OR6B1: variants seen among roughly 807,000 people sequenced by gnomAD.
OR6B1 encodes olfactory receptor family 6 subfamily B member 1.
A neutral mutation model predicts 15.4 loss-of-function variants in OR6B1; 15 were observed. The observed-to-expected ratio is 0.97, with a 90% CI of 0.65 to 1.50. The LOEUF (loss-of-function observed/expected upper bound fraction) is 1.50, where lower values mean the gene tolerates loss of function less well. Among genes scored for constraint, OR6B1 ranks in the 40% most tolerant of loss-of-function variants. The pLI, the probability that OR6B1 is intolerant of heterozygous loss-of-function variation, is 0.00. For missense variants in OR6B1, 384 were observed against 385.0 expected, an observed-to-expected ratio of 1.00 and a Z score of 0.02; for synonymous variants, 139 against 144.9, an observed-to-expected ratio of 0.96 and a Z score of 0.29.
Position 144,004,702 on chromosome 7 carries a change from T to C in OR6B1, c.706T>C (p.Phe236Leu). 1.2e-6 allele frequency: 2 copies of C among 1,614,202 alleles called. No individual in the cohort carries two copies. Among genetic ancestry groups the C allele is most frequent in the South Asian group, 1.1e-5 (1 of 91,080 alleles). ...CATGCCCACAGGAAAGCAGAAAGCGTTCTCCACTTGTGCCTCCCATCTTGT... is the reference window on the plus strand; with the variant it reads ...CATGCCCACAGGAAAGCAGAAAGCGCTCTCCACTTGTGCCTCCCATCTTGT... The part of the protein sequence containing the change: ...LCMPTGKQKA[F>L]STCASHLVVV... The change falls in exon 2 of 2, where the codon TTC (phenylalanine) becomes CTC (leucine). Residue 236 changes from phenylalanine (F) to leucine (L), a missense_variant. Phe to Leu is a conservative substitution (Grantham distance 22, BLOSUM62 0). Coordinates refer to ENST00000641698, the MANE Select transcript of OR6B1 (RefSeq NM_001005281.3).
chr7:144,002,563 A>G (rs536767268), intron 1 of OR6B1, among the ~76,000 whole-genome samples: 3 of 152,296 alleles, frequency 2.0e-5, no homozygotes, highest in African/African-American at 7.2e-5. Context: ...CTTCTCTGGA[A>G]CCACAGTATT....
intron 1 of OR6B1, among the ~76,000 whole-genome samples, chr7:144,001,425 A>G (rs933567177): frequency 6.6e-6 from 1 of 152,194 alleles, no homozygotes; most frequent in African/African-American, 2.4e-5. Flanking sequence ...TGTTTCTTTG[A>G]CAAATGTTAT....
chr7:144,002,568 A>T (rs745813531), intron 1 of OR6B1, among the ~76,000 whole-genome samples: 5 of 152,228 alleles, frequency 3.3e-5, no homozygotes, highest in Non-Finnish European at 7.3e-5. Context: ...CTGGAACCAC[A>T]GTATTTAAGT....
chr7:144,004,315 C>G lies in OR6B1; in HGVS notation c.319C>G (p.Leu107Val). ...CMIQLYFFIA[L>V]MCTECVLLAA... ...GATACAACTGTACTTCTTCATTGCT[C>G]TCATGTGCACAGAATGTGTGCTTCT... The change falls in exon 2 of 2, where the codon CTC (leucine) becomes GTC (valine). Residue 107 changes from leucine to valine, a missense_variant. Physicochemically the swap from Leu to Val is conservative, Grantham distance 32 (BLOSUM62 1). Coordinates refer to ENST00000641698, the MANE Select transcript of OR6B1 (RefSeq NM_001005281.3). 1.2e-6 allele frequency: 2 copies of G among 1,614,202 alleles called. No individual in the cohort carries two copies. Among genetic ancestry groups the G allele is most frequent in the Non-Finnish European group, 1.7e-6 (2 of 1,180,028 alleles).
Position 144,005,845 on chromosome 7 carries a change from C to A in OR6B1, c.*913C>A, listed in dbSNP as rs952021068. On this transcript the variant is annotated 3_prime_UTR_variant, in exon 2 of 2. Coordinates refer to ENST00000641698, the MANE Select transcript of OR6B1 (RefSeq NM_001005281.3). Reference sequence around the variant, plus strand: ...CCATAGTGATTCTCAACTTTCCTTACCTATATATCTAACACCCTCTACACA... The same window carrying A: ...CCATAGTGATTCTCAACTTTCCTTAACTATATATCTAACACCCTCTACACA... The A allele has an allele frequency of 1.1e-4, 16 of 152,106 alleles. 1 individual carries two copies. The highest frequency in any genetic ancestry group is 1.0e-3 in the Admixed American group (16 of 15,272). 9.4% of individuals were successfully genotyped at this position (152,106 alleles called of 1,614,324 possible).
chr7:144,005,211 A>G lies in OR6B1; in HGVS notation c.*279A>G. The G allele has an allele frequency of 3.0e-6, 1 of 330,762 alleles. No individual in the cohort carries two copies. Among genetic ancestry groups the G allele is most frequent in the Non-Finnish European group, 5.5e-6 (1 of 180,804 alleles). 20.5% of individuals were successfully genotyped at this position (330,762 alleles called of 1,614,324 possible). ...AAATTTATAACTGAGTTAAGTAGGA[A>G]GAGAGATGGTGATGGGTGAGTTAGC... On this transcript the variant is annotated 3_prime_UTR_variant, in exon 2 of 2. Coordinates refer to ENST00000641698, the MANE Select transcript of OR6B1 (RefSeq NM_001005281.3).
rs1162857161 is a variant in OR6B1 at position 144,005,378 on chromosome 7, C to T, written c.*446C>T. 6.4e-6 allele frequency: 1 copy of T among 157,218 alleles called. No individual in the cohort carries two copies. The highest frequency in any genetic ancestry group is 1.4e-5 in the Non-Finnish European group (1 of 71,556). 9.7% of individuals were successfully genotyped at this position (157,218 alleles called of 1,614,324 possible). A position where few individuals can be genotyped will look rare whatever the true frequency, so the allele number is the denominator to read the frequency against. Reference sequence around the variant, plus strand: ...ATGTTCTGGGAGTGAATTTTGGTGGCAGAGACTGCTTCCTGAGTTTTTGCA... The same window carrying T: ...ATGTTCTGGGAGTGAATTTTGGTGGTAGAGACTGCTTCCTGAGTTTTTGCA... On this transcript the variant is annotated 3_prime_UTR_variant, in exon 2 of 2. Coordinates refer to ENST00000641698, the MANE Select transcript of OR6B1 (RefSeq NM_001005281.3).
rs373692433 is a variant in OR6B1, at chr7:144,004,816, A to T, written c.820A>T (p.Ile274Phe). Reference sequence around the variant, plus strand: ...CTTCAACATGAACAAAATTATTTCCATCTTCTATGCCATTGTCACTCCTTC... The same window carrying T: ...CTTCAACATGAACAAAATTATTTCCTTCTTCTATGCCATTGTCACTCCTTC... ...HAFNMNKIIS[I>F]FYAIVTPSLN... Residue 274 changes from isoleucine to phenylalanine, a missense_variant, in exon 2 of 2, where the codon ATC becomes TTC. Coordinates refer to ENST00000641698, the MANE Select transcript of OR6B1 (RefSeq NM_001005281.3). 23 of 1,613,700 alleles carry T rather than the reference A, an allele frequency of 1.4e-5. No homozygotes were observed. The highest frequency in any genetic ancestry group is 1.9e-5 in the Non-Finnish European group (23 of 1,179,954).
Position 144,004,949 on chromosome 7 carries a change from A to G in OR6B1, c.*17A>G. 1 of 1,559,900 alleles carries G rather than the reference A, an allele frequency of 6.4e-7. No homozygotes were observed. Among genetic ancestry groups the G allele is most frequent in the Admixed American group, 1.9e-5 (1 of 53,580 alleles). On this transcript the variant is annotated 3_prime_UTR_variant, in exon 2 of 2. Transcript: ENST00000641698. Reference sequence around the variant, plus strand: ...TCTGACTAGTCAATTACAGCTGATTAGAAAGAAAGGTCTGAGTGGGTGCCT... The same window carrying G: ...TCTGACTAGTCAATTACAGCTGATTGGAAAGAAAGGTCTGAGTGGGTGCCT...
At chr7:144,002,586 C>T (rs1375358945) in intron 1 of OR6B1, among the ~76,000 whole-genome samples, 1 of 152,224 alleles carries the variant, frequency 6.6e-6, no homozygotes, top group Non-Finnish European at 1.5e-5. Flanking sequence ...AGTTCACTGT[C>T]ACCTATTCTG....
rs2116979880 is a variant in OR6B1, at chr7:144,008,659, C to G, written c.*3727C>G. On this transcript the variant is annotated 3_prime_UTR_variant, in exon 2 of 2. Coordinates refer to ENST00000641698, the MANE Select transcript of OR6B1 (RefSeq NM_001005281.3). The stretch of plus-strand genomic sequence containing the variant: ...TAAAAGTGTTTGGCAGTTCCCCTCC[C>G]ACTTTCTCTCTCTCTCTCTTGCCGC... 1 of 152,360 alleles carries G rather than the reference C, an allele frequency of 6.6e-6. No individual in the cohort carries two copies. The highest frequency in any genetic ancestry group is 2.1e-4 in the South Asian group (1 of 4,834). 9.4% of individuals were successfully genotyped at this position (152,360 alleles called of 1,614,324 possible). A position where few individuals can be genotyped will look rare whatever the true frequency, so the allele number is the denominator to read the frequency against.
Position 144,004,806 on chromosome 7 carries a change from A to G in OR6B1, c.810A>G (p.Lys270=). The change falls in exon 2 of 2, where the codon AAA becomes AAG. Residue 270 remains lysine, a synonymous_variant. Coordinates refer to ENST00000641698, the MANE Select transcript of OR6B1 (RefSeq NM_001005281.3). ...PRVIHAFNMN[K]IISIFYAIVT... is the part of the protein sequence containing the mutation. Reference sequence around the variant, plus strand: ...TTATCCATGCCTTCAACATGAACAAAATTATTTCCATCTTCTATGCCATTG... The same window carrying G: ...TTATCCATGCCTTCAACATGAACAAGATTATTTCCATCTTCTATGCCATTG... 1 of 1,613,934 alleles carries G rather than the reference A, an allele frequency of 6.2e-7. No individual in the cohort carries two copies. The highest frequency in any genetic ancestry group is 8.5e-7 in the Non-Finnish European group (1 of 1,179,964).
rs2050637205 is a variant in OR6B1 at position 144,008,137 on chromosome 7, G to A, written c.*3205G>A. 6.6e-6 allele frequency: 1 copy of A among 152,224 alleles called. No homozygotes were observed. Among genetic ancestry groups the A allele is most frequent in the South Asian group, 2.1e-4 (1 of 4,830 alleles). 9.4% of individuals were successfully genotyped at this position (152,224 alleles called of 1,614,324 possible). On this transcript the variant is annotated 3_prime_UTR_variant, in exon 2 of 2. Transcript: ENST00000641698. ...TATTTCTGTTGTTTTAAGCTACCAAGTTTGTGGTAATTTGTTATAAAAACC... is the reference window on the plus strand; with the variant it reads ...TATTTCTGTTGTTTTAAGCTACCAAATTTGTGGTAATTTGTTATAAAAACC...
chr7:144,005,054 T>C lies in OR6B1; in HGVS notation c.*122T>C. 1.4e-6 allele frequency: 1 copy of C among 702,404 alleles called. No individual in the cohort carries two copies. The highest frequency in any genetic ancestry group is 2.3e-6 in the Non-Finnish European group (1 of 428,566). The allele number at this position is 702,404 out of a possible 1,614,324, so 43.5% of individuals were successfully genotyped here. ...GTTAATATGACATCACCATGTCTAC[T>C]TCAATCTCAGGCGCTTGGGTATCTG... On this transcript the variant is annotated 3_prime_UTR_variant, in exon 2 of 2. Coordinates refer to ENST00000641698, the MANE Select transcript of OR6B1 (RefSeq NM_001005281.3).
rs1278900322 is a variant in OR6B1, at chr7:144,007,146, G to A, written c.*2214G>A. ...TGGAAAGGGAGAATGTAGAAGTAGG[G>A]TTTCTTGGGGAATTCTATTAAATTT... On this transcript the variant is annotated 3_prime_UTR_variant, in exon 2 of 2. Transcript: ENST00000641698. The A allele has an allele frequency of 6.6e-6, 1 of 152,082 alleles. No individual in the cohort carries two copies. The highest frequency in any genetic ancestry group is 2.4e-5 in the African/African-American group (1 of 41,402). 9.4% of individuals were successfully genotyped at this position (152,082 alleles called of 1,614,324 possible).
rs535292255 is a variant in OR6B1, at chr7:144,006,402, C to G, written c.*1470C>G. On this transcript the variant is annotated 3_prime_UTR_variant, in exon 2 of 2. Coordinates refer to ENST00000641698, the MANE Select transcript of OR6B1 (RefSeq NM_001005281.3). ...AACAGTAATAAAATAAAAATGAAAA[C>G]ATGTGAATTATAGGTCCCAGAGGAA... 2 of 152,166 alleles carry G rather than the reference C, an allele frequency of 1.3e-5. No individual in the cohort carries two copies. The highest frequency in any genetic ancestry group is 3.9e-4 in the East Asian group (2 of 5,176). 9.4% of individuals were successfully genotyped at this position (152,166 alleles called of 1,614,324 possible).
intron 1 of OR6B1, among the ~76,000 whole-genome samples, chr7:144,003,163 T>TC (rs375662199): frequency 7.2e-5 from 11 of 152,168 alleles, no homozygotes; most frequent in African/African-American, 2.7e-4. Flanking sequence ...CAGCAGATCC[T>TC]CCCCTCCCTC....
At chr7:144,003,107 C>T (rs1456208664) in intron 1 of OR6B1, among the ~76,000 whole-genome samples, 8 of 152,160 alleles carry the variant, frequency 5.3e-5, no homozygotes, top group Non-Finnish European at 4.4e-5. Flanking sequence ...GTCAAATTCC[C>T]TGAATGAGCC....
Position 144,004,049 on chromosome 7 carries a change from C to A in OR6B1, c.53C>A (p.Pro18His). The A allele has an allele frequency of 1.9e-6, 3 of 1,614,006 alleles. No homozygotes were observed. The highest frequency in any genetic ancestry group is 2.5e-6 in the Non-Finnish European group (3 of 1,179,962). Residue 18 changes from proline (P) to histidine (H), a missense_variant, in exon 2 of 2, where the codon CCT becomes CAT. Physicochemically the swap from Pro to His is moderately conservative, Grantham distance 77 (BLOSUM62 -2). Coordinates refer to ENST00000641698, the MANE Select transcript of OR6B1 (RefSeq NM_001005281.3). ...RVTKFILVGF[P>H]GSLSMRAAMF... ...ACCAAGTTCATTCTGGTGGGATTCCCTGGGAGCTTGAGTATGCGGGCAGCC... is the reference window on the plus strand; with the variant it reads ...ACCAAGTTCATTCTGGTGGGATTCCATGGGAGCTTGAGTATGCGGGCAGCC...
Sources: gnomAD v4.1 joint callset for allele counts (sites outside exome capture counted in the v4.1 genomes callset) on GRCh38, gnomAD v4.1.1 for gene constraint, MANE v1.5 for transcripts, NCBI Gene and HGNC (gene_info 2026-07-23, HGNC 2026-07-21) for gene names.